KCNQ2: variants seen among roughly 807,000 people sequenced by gnomAD.
The protein encoded by KCNQ2 is potassium voltage-gated channel subfamily KQT member 2.
KCNQ2 carries 14 observed loss-of-function variants against 84.8 expected under a neutral mutation model. That is an observed-to-expected ratio of 0.17 (90% CI 0.11 to 0.26). KCNQ2 has a LOEUF of 0.26. Among genes scored for constraint, KCNQ2 ranks in the 10% least tolerant of loss-of-function variants. KCNQ2 has a pLI of 1.00. For synonymous variants in KCNQ2, 599 were observed against 554.1 expected, an observed-to-expected ratio of 1.08 and a Z score of -1.14; for missense variants, 788 against 1,254.0, an observed-to-expected ratio of 0.63 and a Z score of 5.61.
intron 1 of KCNQ2, among the ~76,000 whole-genome samples, chr20:63,467,635 G>A (rs73918933): frequency 6.6e-6 from 1 of 152,214 alleles, no homozygotes; most frequent in Non-Finnish European, 1.5e-5. Context: ...GGAGCACAGG[G>A]ACTAACGGAG....
In KCNQ2 at chr20:63,406,715, C is replaced by T. The variant is rs779986547; in HGVS notation, c.2548G>A (p.Gly850Arg). ...CCGGTGGCCGAGCGTGGCGGGGGCC[C>T]GCACGGGGTACAGAGGTCGGAGTCG... is the stretch of plus-strand genomic sequence containing the variant. The part of the protein sequence containing the change: ...DTDSDLCTPC[G>R]PPPRSATGEG... The change falls in exon 17 of 17, where the codon GGG (glycine) becomes AGG (arginine). Residue 850 changes from glycine to arginine, a missense_variant. By Grantham distance (125) the Gly-to-Arg change is moderately radical. Around this residue, in one of 8 missense-constraint regions of KCNQ2, gnomAD observed 378 missense variants for 434.5 expected, o/e 0.87. Coordinates refer to ENST00000359125, the MANE Select transcript of KCNQ2 (RefSeq NM_172107.4). 3.1e-6 allele frequency: 5 copies of T among 1,604,424 alleles called. No homozygotes were observed. The highest frequency in any genetic ancestry group is 1.1e-5 in the South Asian group (1 of 90,330).
intron 11 of KCNQ2, among the ~76,000 whole-genome samples, chr20:63,422,862 G>A (rs1354126814): frequency 6.6e-6 from 1 of 152,180 alleles, no homozygotes; most frequent in East Asian, 1.9e-4. Flanking sequence ...GTCGCTCCCA[G>A]CAAGGGCGTG....
intron 4 of KCNQ2, among the ~76,000 whole-genome samples, chr20:63,442,836 CCACCACCATCACCAT>C (rs1568934718): frequency 2.5e-5 from 1 of 40,090 alleles, no homozygotes; most frequent in Non-Finnish European, 5.7e-5. Context: ...ACCATCACCA[CCACCACCATCACCAT>C]CACCACCACC....
intron 11 of KCNQ2, among the ~76,000 whole-genome samples, chr20:63,421,961 G>A (rs1442041772): frequency 1.3e-5 from 2 of 152,146 alleles, no homozygotes; most frequent in South Asian, 2.1e-4. Context: ...CAGCCGGGTC[G>A]CCTGCCACCA....
intron 1 of KCNQ2, among the ~76,000 whole-genome samples, chr20:63,462,424 G>C (rs549724052): frequency 4.6e-5 from 7 of 151,784 alleles, no homozygotes; most frequent in Non-Finnish European, 1.0e-4. Flanking sequence ...GGAGCAGGGA[G>C]GAGGTGGCAC....
intron 5 of KCNQ2, among the ~76,000 whole-genome samples, chr20:63,441,703 G>C (rs2081167253): frequency 6.6e-6 from 1 of 152,116 alleles, no homozygotes; most frequent in Non-Finnish European, 1.5e-5. Context: ...CTGGGCCCCG[G>C]GGCACGCTCA....
Position 63,438,982 on chromosome 20 carries a change from A to AT in KCNQ2, c.928-263dup, listed in dbSNP as rs1211377315. On this transcript the variant is annotated intron_variant, in intron 6 of 16. Coordinates refer to ENST00000359125, the MANE Select transcript of KCNQ2 (RefSeq NM_172107.4). This position sits in a 1 kb window ranked among gnomAD's most constrained non-coding sequence, Gnocchi z 5.1. ...CAAGGTCAGACTAATCCAGGAACCCATATCCCCACAATTTGTCAGCATCAA... is the reference window on the plus strand; with the variant it reads ...CAAGGTCAGACTAATCCAGGAACCCATTATCCCCACAATTTGTCAGCATCAA... 6.6e-6 allele frequency among the ~76,000 whole-genome samples: 1 copy of AT among 152,108 alleles called. No homozygotes were observed.
Position 63,446,721 on chromosome 20 carries a change from A to G in KCNQ2, c.387+26T>C. 1 of 1,596,968 alleles carries G rather than the reference A, an allele frequency of 6.3e-7. No homozygotes were observed. The highest frequency in any genetic ancestry group is 8.6e-7 in the Non-Finnish European group (1 of 1,165,052). On this transcript the variant is annotated intron_variant, in intron 2 of 16. Transcript: ENST00000359125. This position sits in a 1 kb window ranked among gnomAD's most constrained non-coding sequence, Gnocchi z 5.5. ...CTCCAGCTCCTTCCTGGGCACTTCC[A>G]GCCCCCGCCCTCCCTCGGGGCTCAC... is the stretch of plus-strand genomic sequence containing the variant.
chr20:63,442,224 A>T (rs886718113), intron 5 of KCNQ2, among the ~76,000 whole-genome samples, 182 bp downstream of exon 5: 1 of 39,830 alleles, frequency 2.5e-5, no homozygotes, highest in African/African-American at 9.8e-5. Flanking sequence ...CTCCCCACCC[A>T]CTCCCCCGCC....
Position 63,402,266 on chromosome 20 carries a change from C to A in KCNQ2, c.*4378G>T. 1 of 181,522 alleles carries A rather than the reference C, an allele frequency of 5.5e-6. No individual in the cohort carries two copies. The highest frequency in any genetic ancestry group is 1.2e-5 in the Non-Finnish European group (1 of 85,972). 11.2% of individuals were successfully genotyped at this position (181,522 alleles called of 1,614,324 possible). A position where few individuals can be genotyped will look rare whatever the true frequency, so the allele number is the denominator to read the frequency against. ...GGGCACCCTCCACGGCAGGTCCGAG[C>A]TTTGTGAACCGTCCCTCTCACGTCT... is the stretch of plus-strand genomic sequence containing the variant. On this transcript the variant is annotated 3_prime_UTR_variant, in exon 17 of 17. Coordinates refer to ENST00000359125, the MANE Select transcript of KCNQ2 (RefSeq NM_172107.4).
chr20:63,431,487 G>T (rs1380592946), intron 8 of KCNQ2, 118 bp from the exon 9 acceptor site: 11 of 1,173,934 alleles, frequency 9.4e-6, no homozygotes, highest in African/African-American at 3.0e-5. Flanking sequence ...ACAGAACAAA[G>T]AAAATTAGCA....
chr20:63,443,242 CCATCA>C (rs2081290035), intron 4 of KCNQ2, among the ~76,000 whole-genome samples: 1 of 95,192 alleles, frequency 1.1e-5, no homozygotes, highest in Non-Finnish European at 2.2e-5. Context: ...ACCATCACCA[CCATCA>C]CATCACCATC....
intron 4 of KCNQ2, among the ~76,000 whole-genome samples, chr20:63,443,946 CCCTGAGCCT>C (rs1370178304): frequency 2.6e-5 from 4 of 152,232 alleles, no homozygotes; most frequent in African/African-American, 9.6e-5. Context: ...CCCCCAACCT[CCCTGAGCCT>C]CCGGGCACAG....
chr20:63,442,820 A>G, intron 4 of KCNQ2, among the ~76,000 whole-genome samples: 1 of 102,468 alleles, frequency 9.8e-6, no homozygotes, highest in Non-Finnish European at 2.1e-5. Flanking sequence ...CACCACCATC[A>G]CCATCACCAT....
chr20:63,414,024 C>T lies in KCNQ2; in HGVS notation c.1631+64G>A. The T allele has an allele frequency of 8.1e-7, 1 of 1,227,392 alleles. No individual in the cohort carries two copies. The highest frequency in any genetic ancestry group is 1.2e-6 in the Non-Finnish European group (1 of 830,006). The allele number at this position is 1,227,392 out of a possible 1,614,324, so 76.0% of individuals were successfully genotyped here. Reference sequence around the variant, plus strand: ...CAGCACCATGAGCACCGGCAGCAGGCAGGACCACCGAGCGGGAGGCCCCTC... The same window carrying T: ...CAGCACCATGAGCACCGGCAGCAGGTAGGACCACCGAGCGGGAGGCCCCTC... On this transcript the variant is annotated intron_variant, in intron 14 of 16. Coordinates refer to ENST00000359125, the MANE Select transcript of KCNQ2 (RefSeq NM_172107.4). The surrounding 1 kb of genome is among the most constrained non-coding windows in gnomAD (Gnocchi z 6.6).
Position 63,472,325 on chromosome 20 carries a change from C to T in KCNQ2, c.139G>A (p.Ala47Thr). The T allele has an allele frequency of 6.5e-7, 1 of 1,537,698 alleles. No individual in the cohort carries two copies. The highest frequency in any genetic ancestry group is 8.8e-7 in the Non-Finnish European group (1 of 1,142,492). ...DGALLIAGSE[A>T]PKRGSILSKP... ...CTGAGGATGCTGCCGCGCTTGGGGG[C>T]CTCGGAGCCGGCGATCAGCAGCGCC... Residue 47 changes from alanine to threonine, a missense_variant, in exon 1 of 17, where the codon GCC (alanine) becomes ACC (threonine). Transcript: ENST00000359125.
chr20:63,420,012 G>A (rs1005913139), intron 11 of KCNQ2, among the ~76,000 whole-genome samples: 10 of 152,340 alleles, frequency 6.6e-5, no homozygotes, highest in African/African-American at 1.2e-4. Context: ...CTCAGACGCC[G>A]CAGAAGCCCT....
intron 1 of KCNQ2, chr20:63,459,794 A>G (rs1429271403): frequency 6.6e-6 from 1 of 152,260 alleles, no homozygotes; most frequent in African/African-American, 2.4e-5. Context: ...TGGGACAGCA[A>G]GCGCACACAG....
At position 63,414,158 on chromosome 20, in the gene KCNQ2, T is replaced by C; in HGVS notation, c.1561A>G (p.Lys521Glu). Reference protein sequence around the residue: ...SLPGEDIVDDKSCPCEFVTED... With the variant: ...SLPGEDIVDDESCPCEFVTED... ...GTCACAAACTCGCAGGGGCAGCTCT[T>C]GTCATCCACAATGTCCTCTCCGGGG... Residue 521 changes from lysine (K) to glutamate (E), a missense_variant, in exon 14 of 17, where the codon AAG becomes GAG. Physicochemically the swap from Lys to Glu is moderately conservative, Grantham distance 56 (BLOSUM62 1). This residue lies in a region of KCNQ2 where 202 missense variants were observed against 239.4 expected (regional missense o/e 0.84). Coordinates refer to ENST00000359125, the MANE Select transcript of KCNQ2 (RefSeq NM_172107.4). This position sits in a 1 kb window ranked among gnomAD's most constrained non-coding sequence, Gnocchi z 6.6. 6.2e-7 allele frequency: 1 copy of C among 1,613,664 alleles called. No homozygotes were observed.
Sources: allele counts gnomAD v4.1 joint callset (sites outside exome capture counted in the v4.1 genomes callset), GRCh38; gene constraint gnomAD v4.1.1; regional missense constraint gnomAD v4.1.1; non-coding constraint Gnocchi (gnomAD v3.1); transcripts MANE v1.5; gene names NCBI Gene and HGNC (gene_info 2026-07-23, HGNC 2026-07-21).